PLEKHA1: variants seen among roughly 807,000 people sequenced by gnomAD.
The protein encoded by PLEKHA1 is pleckstrin homology domain containing A1.
PLEKHA1 carries 34 observed loss-of-function variants against 52.0 expected under a neutral mutation model. The observed-to-expected ratio is 0.65, with a 90% confidence interval of 0.50 to 0.87. The LOEUF is 0.87. Among genes scored for constraint, PLEKHA1 ranks in the 40% least tolerant of loss-of-function variants. The probability of loss-of-function intolerance (pLI) is 0.00; values close to 1 mark genes in which losing one functional copy is unlikely to be tolerated. For missense variants in PLEKHA1, 497 were observed against 504.2 expected, an observed-to-expected ratio of 0.99 and a Z score of 0.14; for synonymous variants, 163 against 170.7, an observed-to-expected ratio of 0.95 and a Z score of 0.35.
chr10:122,377,660 A>T lies in PLEKHA1; in HGVS notation c.-21+2854A>T, dbSNP rs189766344. On this transcript the variant is annotated intron_variant, in intron 1 of 11. Coordinates refer to ENST00000368990, the MANE Select transcript of PLEKHA1 (RefSeq NM_001001974.4). ...TTATGTAAACATAAAGCATCCTGTT[A>T]TTTGTTATAGCACTAGAACTCTCTT... is the stretch of plus-strand genomic sequence containing the variant. Among the ~76,000 whole-genome samples the T allele has an allele frequency of 9.3e-4, 141 of 152,258 alleles. 1 individual carries two copies. The highest frequency in any genetic ancestry group is 2.7e-3 in the Admixed American group (42 of 15,298).
chr10:122,393,082 A>G lies in PLEKHA1; in HGVS notation c.-20-99A>G. On this transcript the variant is annotated intron_variant, in intron 1 of 11. Transcript: ENST00000368990. The surrounding 1 kb of genome is among the most constrained non-coding windows in gnomAD (Gnocchi z 4.5). ...GTGTTCATTTTAATTGACCTTACCT[A>G]ATGTTGGCAAGTTGCCCCCTCATTG... is the stretch of plus-strand genomic sequence containing the variant. 1.1e-6 allele frequency: 1 copy of G among 883,978 alleles called. No homozygotes were observed. The highest frequency in any genetic ancestry group is 1.7e-6 in the Non-Finnish European group (1 of 599,934). The allele number at this position is 883,978 out of a possible 1,614,324, so 54.8% of individuals were successfully genotyped here. A position where few individuals can be genotyped will look rare whatever the true frequency, so the allele number is the denominator to read the frequency against.
intron 3 of PLEKHA1, among the ~76,000 whole-genome samples, chr10:122,398,318 C>G (rs2096878862): frequency 9.9e-6 from 1 of 100,842 alleles, no homozygotes; most frequent in African/African-American, 4.5e-5. Context: ...AGACTGTTTT[C>G]AACTTTTAAA....
Position 122,415,985 on chromosome 10 carries a change from G to C in PLEKHA1, c.595G>C (p.Val199Leu). 1 of 1,612,442 alleles carries C rather than the reference G, an allele frequency of 6.2e-7. No homozygotes were observed. The highest frequency in any genetic ancestry group is 8.5e-7 in the Non-Finnish European group (1 of 1,179,296). Residue 199 changes from valine to leucine, a missense_variant, in exon 7 of 12, where the codon GTA (valine) becomes CTA (leucine). Transcript: ENST00000368990. Reference protein sequence around the residue: ...DSAVIKAGYCVKQGAVMKNWK... With the variant: ...DSAVIKAGYCLKQGAVMKNWK... ...TGCGGTTATCAAAGCTGGATATTGT[G>C]TAAAACAAGGAGCAGTGGTGAGTAG... is the stretch of plus-strand genomic sequence containing the variant.
intron 11 of PLEKHA1, among the ~76,000 whole-genome samples, chr10:122,428,745 A>G (rs1387754783): frequency 2.6e-5 from 4 of 152,218 alleles, no homozygotes; most frequent in African/African-American, 9.6e-5. Flanking sequence ...ATGGCATTTA[A>G]AAATCTCTGA....
intron 10 of PLEKHA1, 111 bp from the exon 11 acceptor site, chr10:122,426,831 G>C: frequency 1.0e-6 from 1 of 983,558 alleles, no homozygotes; most frequent in South Asian, 1.7e-5. Flanking sequence ...AGTTGCCTTA[G>C]AGTGATTTTG....
At chr10:122,415,792 G>C in intron 6 of PLEKHA1, 67 bp from the exon 7 acceptor site, 1 of 1,434,128 alleles carries the variant, frequency 7.0e-7, no homozygotes, top group Admixed American at 2.0e-5. Flanking sequence ...TTTTCTACTG[G>C]GATAATATGA....
intron 7 of PLEKHA1, among the ~76,000 whole-genome samples, chr10:122,417,299 C>T (rs941403802): frequency 6.7e-5 from 10 of 148,488 alleles, no homozygotes; most frequent in African/African-American, 2.5e-4. Context: ...TTGGCGGGGG[C>T]GAGGAGTAGG....
intron 1 of PLEKHA1, among the ~76,000 whole-genome samples, chr10:122,377,725 AC>A (rs1365873596): frequency 1.3e-5 from 2 of 152,192 alleles, no homozygotes; most frequent in Non-Finnish European, 2.9e-5. Context: ...ACCCTAAGTA[AC>A]TTTTTTTCTT....
chr10:122,420,435 G>C (rs1033262047), intron 8 of PLEKHA1: 2 of 151,996 alleles, frequency 1.3e-5, no homozygotes, highest in African/African-American at 4.8e-5. Context: ...TGTCATAATT[G>C]TTAACACATG....
intron 4 of PLEKHA1, among the ~76,000 whole-genome samples, chr10:122,403,516 A>G (rs1422792799): frequency 6.6e-6 from 1 of 152,148 alleles, no homozygotes; most frequent in African/African-American, 2.4e-5. Context: ...AAAAGATAGG[A>G]AGGATACAAG....
chr10:122,436,510 C>T (rs1003927806), downstream of PLEKHA1: 4 of 152,210 alleles, frequency 2.6e-5, no homozygotes, highest in Admixed American at 6.5e-5. Flanking sequence ...TTGGTATAGG[C>T]TAACAGGTTT....
At chr10:122,408,244 A>G (rs2097053247) in intron 5 of PLEKHA1, among the ~76,000 whole-genome samples, 1 of 152,218 alleles carries the variant, frequency 6.6e-6, no homozygotes, top group Admixed American at 6.5e-5. Context: ...TTAGTGCTTT[A>G]AGAGAAAAAG....
At chr10:122,381,788 G>A (rs528713900) in intron 1 of PLEKHA1, among the ~76,000 whole-genome samples, 30 of 152,346 alleles carry the variant, frequency 2.0e-4, no homozygotes, top group South Asian at 6.2e-4. Flanking sequence ...TACTGAGCTA[G>A]GGAAGGCTGG....
At chr10:122,385,515 C>T (rs897633962) in intron 1 of PLEKHA1, among the ~76,000 whole-genome samples, 5 of 151,998 alleles carry the variant, frequency 3.3e-5, no homozygotes, top group African/African-American at 9.7e-5. Context: ...GGGGCTTCTC[C>T]GTGTTGGTCA....
chr10:122,406,098 C>T (rs560641668), intron 4 of PLEKHA1, among the ~76,000 whole-genome samples: 3 of 152,076 alleles, frequency 2.0e-5, no homozygotes, highest in East Asian at 1.9e-4. Flanking sequence ...GAGGGGTATT[C>T]GATGAAATAA....
intron 1 of PLEKHA1, among the ~76,000 whole-genome samples, chr10:122,386,072 G>T (rs745488749): frequency 2.1e-4 from 32 of 152,130 alleles, no homozygotes; most frequent in Non-Finnish European, 4.1e-4. Context: ...GTTTTCCAAA[G>T]TTGCTATGTC....
At position 122,393,264 on chromosome 10, in the gene PLEKHA1, A is replaced by G; in HGVS notation, c.64A>G (p.Ser22Gly). The change falls in exon 2 of 12, where the codon AGT becomes GGT. Residue 22 changes from serine to glycine, a missense_variant. Coordinates refer to ENST00000368990, the MANE Select transcript of PLEKHA1 (RefSeq NM_001001974.4). This position sits in a 1 kb window ranked among gnomAD's most constrained non-coding sequence, Gnocchi z 4.5. ...GFLDIEENEN[S>G]GKFLRRYFIL... is the part of the protein sequence containing the mutation. ...TCTAGACATTGAAGAAAATGAAAAC[A>G]GTGGGAAATTTCTTCGAAGGTACTT... 6.2e-7 allele frequency: 1 copy of G among 1,613,194 alleles called. No homozygotes were observed. Among genetic ancestry groups the G allele is most frequent in the East Asian group, 2.2e-5 (1 of 44,846 alleles).
chr10:122,379,144 C>A (rs1219439247), intron 1 of PLEKHA1, among the ~76,000 whole-genome samples: 1 of 152,176 alleles, frequency 6.6e-6, no homozygotes, highest in Non-Finnish European at 1.5e-5. Context: ...TGTAGCTAAA[C>A]CTTTTCCAAC....
At chr10:122,435,346 C>CAA (rs1243373707), downstream of PLEKHA1, 1 of 152,132 alleles carries the variant, frequency 6.6e-6, no homozygotes, top group Non-Finnish European at 1.5e-5. Context: ...CTAGCATTTA[C>CAA]AGTTTTGATT....
Sources: allele counts gnomAD v4.1 joint callset (sites outside exome capture counted in the v4.1 genomes callset), GRCh38; gene constraint gnomAD v4.1.1; non-coding constraint Gnocchi (gnomAD v3.1); transcripts MANE v1.5; gene names NCBI Gene and HGNC (gene_info 2026-07-23, HGNC 2026-07-21).